RIMS2: variants seen among roughly 807,000 people sequenced by gnomAD.
The protein encoded by RIMS2 is regulating synaptic membrane exocytosis protein 2.
Under a neutral mutation model 174.4 loss-of-function variants are expected in RIMS2, and 59 were observed. That is an observed-to-expected ratio of 0.34 (90% confidence interval 0.27 to 0.42). RIMS2 has a LOEUF of 0.42. Among genes scored for constraint, RIMS2 ranks in the 10% least tolerant of loss-of-function variants. The probability of loss-of-function intolerance (pLI) is 1.00; values close to 1 mark genes in which losing one functional copy is unlikely to be tolerated. For synonymous variants in RIMS2, 606 were observed against 572.5 expected (o/e 1.06, Z -0.84); for missense variants, 1,620 against 1,666.3 (o/e 0.97, Z 0.48).
chr8:103,643,558 T>C (rs565523329), intron 1 of RIMS2, among the ~76,000 whole-genome samples: 58 of 152,290 alleles, frequency 3.8e-4, no homozygotes, highest in Middle Eastern at 3.4e-3. Flanking sequence ...AGAGTTAGAC[T>C]GTGTTTACTG....
At chr8:104,201,696 A>G (rs1181755115) in intron 19 of RIMS2, among the ~76,000 whole-genome samples, 3 of 152,302 alleles carry the variant, frequency 2.0e-5, no homozygotes, top group East Asian at 1.9e-4. Flanking sequence ...TTGCTTCCTG[A>G]TAAGTGGAGA....
chr8:104,056,886 T>C (rs4313124), intron 19 of RIMS2, among the ~76,000 whole-genome samples: 101,509 of 151,614 alleles, frequency 0.67, 34,636 homozygotes, highest in African/African-American at 0.71. Context: ...CACCCTGTCT[T>C]AAAAAGAAAA....
intron 4 of RIMS2, among the ~76,000 whole-genome samples, chr8:103,889,044 T>C (rs183765278): frequency 1.4e-4 from 22 of 151,838 alleles, no homozygotes; most frequent in African/African-American, 4.8e-4. Flanking sequence ...TGGGATATTA[T>C]GGGAAAGAGA....
intron 8 of RIMS2, among the ~76,000 whole-genome samples, chr8:103,917,659 G>C (rs979584817): frequency 5.9e-5 from 9 of 152,100 alleles, no homozygotes; most frequent in African/African-American, 2.2e-4. Flanking sequence ...TGTAAATATA[G>C]TTCCAAGGTA....
At chr8:103,626,519 A>T (rs1203172530) in intron 1 of RIMS2, among the ~76,000 whole-genome samples, 2 of 152,246 alleles carry the variant, frequency 1.3e-5, no homozygotes, top group Non-Finnish European at 2.9e-5. Context: ...ACTACAAACA[A>T]GTTAAAATTA....
chr8:103,827,694 G>A (rs930726212), intron 3 of RIMS2, among the ~76,000 whole-genome samples: 11 of 152,072 alleles, frequency 7.2e-5, no homozygotes, highest in African/African-American at 2.4e-4. Context: ...AATTAGCTGG[G>A]CGTGGCCGTG....
At chr8:104,008,106 T>C (rs1423039867) in intron 17 of RIMS2, among the ~76,000 whole-genome samples, 1 of 152,164 alleles carries the variant, frequency 6.6e-6, no homozygotes, top group South Asian at 2.1e-4. Context: ...TTATATTGTT[T>C]AGAGATATAC....
chr8:103,626,492 A>T (rs1410053168), intron 1 of RIMS2, among the ~76,000 whole-genome samples: 2 of 152,272 alleles, frequency 1.3e-5, no homozygotes, highest in Non-Finnish European at 2.9e-5. Context: ...AATGTAATGT[A>T]GCACACAACA....
chr8:103,774,245 TA>T (rs2098285982), intron 3 of RIMS2, among the ~76,000 whole-genome samples: 3 of 152,244 alleles, frequency 2.0e-5, no homozygotes. Context: ...TAAACTGGTC[TA>T]AACATTAGAA....
At chr8:103,685,053 G>A (rs1384232114) in intron 1 of RIMS2, among the ~76,000 whole-genome samples, 9 of 149,084 alleles carry the variant, frequency 6.0e-5, no homozygotes, top group African/African-American at 2.2e-4. Context: ...TTTATATAAG[G>A]TGTAAGATAC....
chr8:104,018,468 T>C (rs1228349737), intron 19 of RIMS2, among the ~76,000 whole-genome samples: 1 of 152,222 alleles, frequency 6.6e-6, no homozygotes, highest in Non-Finnish European at 1.5e-5. Flanking sequence ...CTAGGCAATT[T>C]GTCAGAATAT....
At chr8:104,149,010 G>GT (rs2098668068) in intron 19 of RIMS2, among the ~76,000 whole-genome samples, 162 bp downstream of exon 25, 2 of 152,178 alleles carry the variant, frequency 1.3e-5, no homozygotes, top group African/African-American at 4.8e-5. Flanking sequence ...CAACAATGAT[G>GT]TTTTTTCCAG....
chr8:104,126,256 G>A (rs1432115523), intron 19 of RIMS2, among the ~76,000 whole-genome samples: 1 of 152,084 alleles, frequency 6.6e-6, no homozygotes, highest in Non-Finnish European at 1.5e-5. Flanking sequence ...CAAAAAACAA[G>A]CAAACATGTA....
intron 7 of RIMS2, among the ~76,000 whole-genome samples, chr8:103,916,020 G>T (rs1465165792): frequency 6.6e-6 from 1 of 151,900 alleles, no homozygotes; most frequent in Non-Finnish European, 1.5e-5. Context: ...AATTATTAAG[G>T]TTTTTACAAG....
intron 19 of RIMS2, among the ~76,000 whole-genome samples, chr8:104,160,532 A>G (rs117671626): frequency 0.021 from 3,198 of 152,290 alleles, 50 homozygotes; most frequent in Middle Eastern, 0.041. Context: ...GAACTCTTGA[A>G]AGCTTTTGTT....
chr8:103,633,085 G>C (rs2095981233), intron 1 of RIMS2, among the ~76,000 whole-genome samples: 1 of 149,652 alleles, frequency 6.7e-6, no homozygotes, highest in African/African-American at 2.5e-5. Flanking sequence ...GGAGTGCAGT[G>C]GTGCAATCTC....
chr8:103,563,310 T>A (rs959261803), intron 1 of RIMS2, among the ~76,000 whole-genome samples: 2 of 152,224 alleles, frequency 1.3e-5, no homozygotes, highest in East Asian at 3.8e-4. Flanking sequence ...AAGTCACATC[T>A]TGAATGTTTT....
intron 1 of RIMS2, among the ~76,000 whole-genome samples, chr8:103,611,924 T>C (rs1353117960): frequency 6.6e-6 from 1 of 152,068 alleles, no homozygotes; most frequent in East Asian, 1.9e-4. Context: ...TTTGCCCTTT[T>C]CAGTCTATTT....
At chr8:103,760,029 AG>A (rs2098091286) in intron 2 of RIMS2, among the ~76,000 whole-genome samples, 1 of 152,248 alleles carries the variant, frequency 6.6e-6, no homozygotes, top group Non-Finnish European at 1.5e-5. Context: ...GTAGCTTTAA[AG>A]AAGAATCTGG....
Sources: allele counts gnomAD v4.1 joint callset (sites outside exome capture counted in the v4.1 genomes callset), GRCh38; gene constraint gnomAD v4.1.1; transcripts MANE v1.5; gene names NCBI Gene and HGNC (gene_info 2026-07-23, HGNC 2026-07-21).